GREB1L: variants seen among roughly 807,000 people sequenced by gnomAD.
GREB1L encodes GREB1-like protein.
Under a neutral mutation model 200.8 loss-of-function variants are expected in GREB1L, and 17 were observed. The ratio of observed to expected loss-of-function variants is 0.08; its 90% CI spans 0.06 to 0.13. The LOEUF (loss-of-function observed/expected upper bound fraction) is 0.13. Among genes scored for constraint, GREB1L ranks in the 10% least tolerant of loss-of-function variants. The probability of loss-of-function intolerance (pLI) is 1.00; values close to 1 mark genes in which losing one functional copy is unlikely to be tolerated. For synonymous variants in GREB1L, 789 were observed against 893.0 expected (o/e 0.88, Z 2.08); for missense variants, 1,657 against 2,367.7 (o/e 0.70, Z 6.23).
At chr18:21,263,875 A>G (rs1305599193) in intron 1 of GREB1L, among the ~76,000 whole-genome samples, 1 of 152,172 alleles carries the variant, frequency 6.6e-6, no homozygotes, top group Non-Finnish European at 1.5e-5. Context: ...GACAAGAACA[A>G]CCTTCACTGC....
intron 1 of GREB1L, among the ~76,000 whole-genome samples, chr18:21,321,151 A>C (rs1246768151): frequency 6.6e-6 from 1 of 151,484 alleles, no homozygotes; most frequent in African/African-American, 2.4e-5. Flanking sequence ...AAAATTAGCC[A>C]GGCATGGTGG....
intron 1 of GREB1L, among the ~76,000 whole-genome samples, chr18:21,331,124 C>A (rs1228892425): frequency 6.6e-6 from 1 of 152,168 alleles, no homozygotes; most frequent in Non-Finnish European, 1.5e-5. Flanking sequence ...TTAGTCAAGT[C>A]TGAGCTACAC....
At chr18:21,433,019 C>T (rs1197037356) in intron 7 of GREB1L, among the ~76,000 whole-genome samples, 3 of 152,054 alleles carry the variant, frequency 2.0e-5, no homozygotes. Flanking sequence ...CATTTTCAAA[C>T]ACATATAAAA....
chr18:21,333,967 C>G (rs527306468), intron 1 of GREB1L, among the ~76,000 whole-genome samples: 263 of 151,288 alleles, frequency 1.7e-3, no homozygotes, highest in Non-Finnish European at 3.0e-3. Context: ...TGGTGACCGA[C>G]TGACGAAGAT....
intron 18 of GREB1L, among the ~76,000 whole-genome samples, chr18:21,487,163 T>C (rs2036159512): frequency 6.6e-6 from 1 of 152,242 alleles, no homozygotes; most frequent in Admixed American, 6.5e-5. Flanking sequence ...ACCTGTTACA[T>C]CCACCAGCTT....
chr18:21,448,579 G>A (rs2034360037), intron 11 of GREB1L, among the ~76,000 whole-genome samples: 1 of 152,156 alleles, frequency 6.6e-6, no homozygotes, highest in African/African-American at 2.4e-5. Context: ...TGGGGCTGTT[G>A]CTTGGTCTCA....
chr18:21,436,669 GGTGTGTGTGTGTGTGTGTGTGT>G (rs71178172), intron 7 of GREB1L, among the ~76,000 whole-genome samples: 2 of 132,454 alleles, frequency 1.5e-5, no homozygotes, highest in African/African-American at 2.9e-5. Flanking sequence ...AAAGTTCAGT[GGTGTGTGTGTGTGTGTGTGTGT>G]GTGTGTGTGT....
intron 6 of GREB1L, 28 bp from the exon 7 acceptor site, chr18:21,403,844 A>G: frequency 6.5e-7 from 1 of 1,543,426 alleles, no homozygotes; most frequent in Non-Finnish European, 8.8e-7. Flanking sequence ...TGGTCACTTC[A>G]TACAATGTGA....
intron 1 of GREB1L, among the ~76,000 whole-genome samples, chr18:21,349,873 A>G (rs1422525000): frequency 6.6e-6 from 1 of 152,190 alleles, no homozygotes; most frequent in Non-Finnish European, 1.5e-5. Context: ...AATGGGCTTC[A>G]GTCATCCTGA....
Position 21,452,207 on chromosome 18 carries a change from A to G in GREB1L, c.1974A>G (p.Thr658=). Residue 658 remains threonine, a synonymous_variant, in exon 14 of 33, where the codon ACA becomes ACG. Transcript: ENST00000424526. Reference sequence around the variant, plus strand: ...AGGAGGCTGCTGCTATGATTCCCACACAAAACCTGGGTAATGTCATCTCAG... The same window carrying G: ...AGGAGGCTGCTGCTATGATTCCCACGCAAAACCTGGGTAATGTCATCTCAG... ...SPQEAAAMIP[T]QNLDLDNETF... The G allele has an allele frequency of 6.4e-7, 1 of 1,551,492 alleles. No homozygotes were observed. The highest frequency in any genetic ancestry group is 2.4e-5 in the East Asian group (1 of 40,912).
chr18:21,505,802 A>C lies in GREB1L; in HGVS notation c.4229-8A>C, dbSNP rs1343485021. The C allele has an allele frequency of 1.3e-6, 2 of 1,550,626 alleles. No individual in the cohort carries two copies. The highest frequency in any genetic ancestry group is 3.9e-5 in the Admixed American group (2 of 50,758). On this transcript the variant is annotated splice_polypyrimidine_tract_variant and splice_region_variant and intron_variant, in intron 24 of 32. Coordinates refer to ENST00000424526, the MANE Select transcript of GREB1L (RefSeq NM_001142966.3). ...TCATGGGATGGCTTTTTGCCCCTTTATACACAGAAGTGATAAAGGAATCCA... is the reference window on the plus strand; with the variant it reads ...TCATGGGATGGCTTTTTGCCCCTTTCTACACAGAAGTGATAAAGGAATCCA...
In GREB1L at chr18:21,522,939, G is replaced by T. The variant is rs1041868322; in HGVS notation, c.*118G>T. 39 of 944,244 alleles carry T rather than the reference G, an allele frequency of 4.1e-5. No homozygotes were observed. The African/African-American group carries it at 5.7e-4, about 14-fold the overall frequency. The allele number at this position is 944,244 out of a possible 1,614,324, so 58.5% of individuals were successfully genotyped here. The stretch of plus-strand genomic sequence containing the variant: ...CTGTGGAGCAAAGTGCAACATATTT[G>T]TCTAAATTCTCCAAAGAACTCCCCA... On this transcript the variant is annotated 3_prime_UTR_variant, in exon 33 of 33. Transcript: ENST00000424526.
intron 4 of GREB1L, among the ~76,000 whole-genome samples, chr18:21,391,737 TTC>T (rs1307953085): frequency 1.3e-5 from 2 of 152,262 alleles, no homozygotes; most frequent in South Asian, 2.1e-4. Context: ...TAAAAATTAA[TTC>T]TGTCATTACA....
intron 15 of GREB1L, among the ~76,000 whole-genome samples, chr18:21,466,020 C>T (rs542053231): frequency 6.6e-6 from 1 of 152,228 alleles, no homozygotes; most frequent in Admixed American, 6.5e-5. Context: ...ATTTCATATA[C>T]TTTAAACCTA....
rs1296918131 is a variant in GREB1L at position 21,334,647 on chromosome 18, G to A, written c.-119-31380G>A. ...AAATTAGCCGGGCATAGTGGCACAC[G>A]CCTGTACTCCCAGCTACTCAGGAGG... On this transcript the variant is annotated intron_variant, in intron 1 of 32. Coordinates refer to ENST00000424526, the MANE Select transcript of GREB1L (RefSeq NM_001142966.3). 2.6e-5 allele frequency among the ~76,000 whole-genome samples: 4 copies of A among 151,984 alleles called. No individual in the cohort carries two copies. The South Asian group carries it at 6.2e-4, about 24-fold the overall frequency.
intron 1 of GREB1L, among the ~76,000 whole-genome samples, chr18:21,344,375 T>C (rs2039313557): frequency 6.6e-6 from 1 of 150,532 alleles, no homozygotes; most frequent in South Asian, 2.1e-4. Flanking sequence ...CACTCCAGCC[T>C]GGGCGACAGA....
intron 1 of GREB1L, among the ~76,000 whole-genome samples, chr18:21,326,457 C>A (rs747709771): frequency 6.6e-6 from 1 of 152,168 alleles, no homozygotes; most frequent in African/African-American, 2.4e-5. Flanking sequence ...AGATCCCCAA[C>A]ATTCCTACAG....
At chr18:21,279,945 C>T (rs1246795903) in intron 1 of GREB1L, among the ~76,000 whole-genome samples, 2 of 152,102 alleles carry the variant, frequency 1.3e-5, no homozygotes, top group African/African-American at 2.4e-5. Context: ...CCAAATATAC[C>T]GTTTTGAACC....
chr18:21,375,189 CG>C (rs1198168791), intron 2 of GREB1L, among the ~76,000 whole-genome samples: 1 of 151,800 alleles, frequency 6.6e-6, no homozygotes, highest in Non-Finnish European at 1.5e-5. Context: ...CTCAGCCTCC[CG>C]AGTAGCTGGG....
Sources: allele counts gnomAD v4.1 joint callset (sites outside exome capture counted in the v4.1 genomes callset), GRCh38; gene constraint gnomAD v4.1.1; transcripts MANE v1.5; gene names NCBI Gene and HGNC (gene_info 2026-07-23, HGNC 2026-07-21).